Variants in SYCP2 observed in about 807,000 individuals in gnomAD.
SYCP2 encodes synaptonemal complex protein 2.
In SYCP2, 55 loss-of-function variants were observed where a neutral mutation model predicts 211.3. The observed-to-expected ratio is 0.26, with a 90% confidence interval of 0.21 to 0.33. The LOEUF (loss-of-function observed/expected upper bound fraction) is 0.33. Ranked by LOEUF, SYCP2 falls within the 10% of genes least tolerant of loss-of-function variation. SYCP2 has a pLI of 1.00. For synonymous variants in SYCP2, 570 were observed against 555.2 expected (o/e 1.03, Z -0.37); for missense variants, 1,731 against 1,752.0 (o/e 0.99, Z 0.21).
At chr20:59,922,286 A>G (rs1213975246) in intron 3 of SYCP2, 104 bp downstream of exon 3, 2 of 1,030,666 alleles carry the variant, frequency 1.9e-6, no homozygotes, top group Non-Finnish European at 1.4e-6. Context: ...TCATAAAAAC[A>G]TGTAAGCTTT....
intron 39 of SYCP2, among the ~76,000 whole-genome samples, 188 bp from the exon 40 acceptor site, chr20:59,866,777 C>T (rs2059346031): frequency 6.6e-6 from 1 of 151,480 alleles, no homozygotes. Flanking sequence ...ACTTATTTAA[C>T]TCCATCAGTA....
At chr20:59,920,267 T>C (rs2060516611) in intron 5 of SYCP2, 92 bp downstream of exon 5, 1 of 1,205,536 alleles carries the variant, frequency 8.3e-7, no homozygotes, top group East Asian at 2.6e-5. Context: ...AGTTCCTAAA[T>C]TTATTTTCAA....
rs1159547809 is a variant in SYCP2, at chr20:59,879,822, A to AATATAT, written c.2941+475_2941+480dup. Among the ~76,000 whole-genome samples, 442 of 50,868 alleles carry AATATAT rather than the reference A, an allele frequency of 8.7e-3. 1 individual carries two copies. Among genetic ancestry groups the AATATAT allele is most frequent in the Middle Eastern group, 0.013 (1 of 78 alleles). The allele number at this position is 50,868 out of a possible 152,430, so 33.4% of individuals were successfully genotyped here. On this transcript the variant is annotated intron_variant, in intron 31 of 44. Transcript: ENST00000357552. ...ATGGGATATTTAGTAAATATAAATA[A>AATATAT]ATATATATATATATATATATATATA...
chr20:59,882,899 A>T (rs1035629348), intron 26 of SYCP2, among the ~76,000 whole-genome samples: 6 of 152,120 alleles, frequency 3.9e-5, no homozygotes, highest in African/African-American at 7.2e-5. Context: ...CAACAAAAAA[A>T]CTTGTACATT....
intron 3 of SYCP2, 88 bp from the exon 4 acceptor site, chr20:59,921,541 A>G (rs1181271216): frequency 4.4e-6 from 4 of 919,468 alleles, no homozygotes; most frequent in Non-Finnish European, 4.5e-6. Context: ...CCGTTTTCAC[A>G]TGAAAACTCT....
In SYCP2 at chr20:59,875,160, CTAT is replaced by C. The variant is rs1312881622; in HGVS notation, c.3349+108_3349+110del. On this transcript the variant is annotated intron_variant, in intron 34 of 44. Transcript: ENST00000357552. ...TAGCTTAACAATGAAGTTTTAACTA[CTAT>C]AATTATAAATACCCCTCAAAATTAG... The C allele has an allele frequency of 8.9e-6, 6 of 673,294 alleles. No individual in the cohort carries two copies. The East Asian group carries it at 1.1e-4, about 13-fold the overall frequency. The allele number at this position is 673,294 out of a possible 1,614,324, so 41.7% of individuals were successfully genotyped here.
chr20:59,883,511 C>T (rs2059724591), intron 26 of SYCP2, among the ~76,000 whole-genome samples: 1 of 151,768 alleles, frequency 6.6e-6, no homozygotes, highest in Admixed American at 6.6e-5. Context: ...TACTATTCAG[C>T]CTTAAAAATA....
intron 20 of SYCP2, among the ~76,000 whole-genome samples, chr20:59,894,340 G>A (rs1291884195): frequency 6.6e-6 from 1 of 151,962 alleles, no homozygotes; most frequent in Non-Finnish European, 1.5e-5. Flanking sequence ...TAGCTAGGAT[G>A]CTTATCATCC....
chr20:59,864,526 C>G, intron 44 of SYCP2, 138 bp from the exon 45 acceptor site: 3 of 611,460 alleles, frequency 4.9e-6, no homozygotes, highest in South Asian at 4.4e-5. Context: ...ATATTGCATT[C>G]TAACAGGTCT....
intron 31 of SYCP2, among the ~76,000 whole-genome samples, chr20:59,878,562 TC>T (rs1445254786): frequency 2.6e-5 from 4 of 152,172 alleles, no homozygotes; most frequent in African/African-American, 9.6e-5. Context: ...TAATGCTGAA[TC>T]TACTTACGTA....
At chr20:59,891,740 AAAG>A (rs938281805) in intron 24 of SYCP2, among the ~76,000 whole-genome samples, 2 of 151,742 alleles carry the variant, frequency 1.3e-5, no homozygotes, top group Admixed American at 1.3e-4. Context: ...AGGAACCTAA[AAAG>A]AAGAGACAGG....
Position 59,932,085 on chromosome 20 carries a change from C to G in SYCP2, c.-70G>C, listed in dbSNP as rs963298189. 5 of 152,146 alleles carry G rather than the reference C, an allele frequency of 3.3e-5. No homozygotes were observed. Among genetic ancestry groups the G allele is most frequent in the African/African-American group, 1.2e-4 (5 of 41,424 alleles). The allele number at this position is 152,146 out of a possible 1,614,324, so 9.4% of individuals were successfully genotyped here. On this transcript the variant is annotated 5_prime_UTR_variant, in exon 2 of 45. Transcript: ENST00000357552. Reference sequence around the variant, plus strand: ...ACCTGACAAGTAAGCAGGCTCTGGGCTCCAGTCTACTGAACTGGGGGACTG... The same window carrying G: ...ACCTGACAAGTAAGCAGGCTCTGGGGTCCAGTCTACTGAACTGGGGGACTG...
At chr20:59,879,903 TACAC>T (rs749399882) in intron 31 of SYCP2, among the ~76,000 whole-genome samples, 1 of 147,028 alleles carries the variant, frequency 6.8e-6, no homozygotes, top group Non-Finnish European at 1.5e-5. Context: ...ATTTATTTTA[TACAC>T]ACACACACAA....
At chr20:59,898,554 C>T (rs6071017) in intron 18 of SYCP2, among the ~76,000 whole-genome samples, 2,952 of 152,094 alleles carry the variant, frequency 0.019, 42 homozygotes, top group Middle Eastern at 0.041. Flanking sequence ...CACACTGGGA[C>T]CTGTTGCGGG....
At chr20:59,893,417 T>G (rs2059947406) in intron 21 of SYCP2, 107 bp downstream of exon 21, 1 of 831,360 alleles carries the variant, frequency 1.2e-6, no homozygotes. Flanking sequence ...AAATTCTTTG[T>G]AAATCTTTTT....
At chr20:59,892,533 C>T in intron 23 of SYCP2, 35 bp downstream of exon 23, 1 of 1,569,126 alleles carries the variant, frequency 6.4e-7, no homozygotes, top group Non-Finnish European at 8.6e-7. Context: ...GAAATTAACA[C>T]TGAACTATTA....
At chr20:59,901,587 G>T (rs575652898) in intron 16 of SYCP2, 75 bp downstream of exon 16, 7 of 892,142 alleles carry the variant, frequency 7.8e-6, no homozygotes, top group Admixed American at 5.4e-5. Context: ...AGGAAAAAAC[G>T]CAATAAAACT....
At chr20:59,867,607 T>C (rs1052539226) in intron 39 of SYCP2, 104 bp downstream of exon 39, 18 of 954,828 alleles carry the variant, frequency 1.9e-5, no homozygotes, top group Non-Finnish European at 2.8e-5. Flanking sequence ...GTTTCATGAA[T>C]GGATATTTTG....
chr20:59,914,715 AAC>A, intron 10 of SYCP2, among the ~76,000 whole-genome samples: 1 of 152,150 alleles, frequency 6.6e-6, no homozygotes, highest in East Asian at 1.9e-4. Context: ...TATTTTAATA[AAC>A]ACATTGTTTA....
Sources: gnomAD v4.1 joint callset for allele counts (sites outside exome capture counted in the v4.1 genomes callset) on GRCh38, gnomAD v4.1.1 for gene constraint, MANE v1.5 for transcripts, NCBI Gene and HGNC (gene_info 2026-07-23, HGNC 2026-07-21) for gene names.